Variants in HLA-DQB2 observed in about 807,000 individuals in gnomAD.
The protein encoded by HLA-DQB2 is HLA class II histocompatibility antigen, DQ beta 2 chain.
In HLA-DQB2, 24 loss-of-function variants were observed where a neutral mutation model predicts 29.2. The ratio of observed to expected loss-of-function variants is 0.82; its 90% confidence interval spans 0.60 to 1.16. HLA-DQB2 has a LOEUF of 1.16. Among genes scored for constraint, HLA-DQB2 ranks in the 50% most tolerant of loss-of-function variants. The probability of loss-of-function intolerance (pLI) is 0.00; values close to 1 mark genes in which losing one functional copy is unlikely to be tolerated. For synonymous variants in HLA-DQB2, 104 were observed against 133.1 expected, an observed-to-expected ratio of 0.78 and a Z score of 1.51; for missense variants, 273 against 343.6, an observed-to-expected ratio of 0.79 and a Z score of 1.62.
At chr6:32,757,211 G>C (rs773840220) in intron 5 of HLA-DQB2, 70 bp downstream of exon 5, 8 of 1,547,196 alleles carry the variant, frequency 5.2e-6, no homozygotes, top group Non-Finnish European at 1.7e-6. Flanking sequence ...GTAGAGATGC[G>C]GTTTCACCAT....
At position 32,756,217 on chromosome 6, in the gene HLA-DQB2, G is replaced by A; in HGVS notation, c.*236C>T. 1 of 541,914 alleles carries A rather than the reference G, an allele frequency of 1.8e-6. No homozygotes were observed. The highest frequency in any genetic ancestry group is 3.3e-6 in the Non-Finnish European group (1 of 304,234). The allele number at this position is 541,914 out of a possible 1,614,324, so 33.6% of individuals were successfully genotyped here. A position where few individuals can be genotyped will look rare whatever the true frequency, so the allele number is the denominator to read the frequency against. ...AATGGAAACAGAGATGCCCCTTGGG[G>A]CCTGAGTAGACACAGCTTGCAGTGC... On this transcript the variant is annotated 3_prime_UTR_variant, in exon 6 of 6. Coordinates refer to ENST00000437316, the MANE Select transcript of HLA-DQB2 (RefSeq NM_001300790.2).
At chr6:32,757,212 G>C (rs757479315) in intron 5 of HLA-DQB2, 69 bp downstream of exon 5, 30 of 1,548,156 alleles carry the variant, frequency 1.9e-5, no homozygotes, top group Non-Finnish European at 2.4e-5. Context: ...TAGAGATGCG[G>C]TTTCACCATG....
intron 2 of HLA-DQB2, 84 bp from the exon 3 acceptor site, chr6:32,759,215 T>A: frequency 6.6e-7 from 1 of 1,510,628 alleles, no homozygotes; most frequent in Non-Finnish European, 8.9e-7. Context: ...GGTCCCTCCT[T>A]GGAACCAGAA....
chr6:32,763,156 C>T (rs1303117386), intron 1 of HLA-DQB2, among the ~76,000 whole-genome samples: 1 of 151,614 alleles, frequency 6.6e-6, no homozygotes, highest in Non-Finnish European at 1.5e-5. Flanking sequence ...CTCTCTCCTC[C>T]TTCAGGCTTA....
In HLA-DQB2 at chr6:32,757,266, T is replaced by C. The variant is rs1447437538; in HGVS notation, c.781+15A>G. 1.9e-6 allele frequency: 3 copies of C among 1,550,476 alleles called. No homozygotes were observed. Among genetic ancestry groups the C allele is most frequent in the Non-Finnish European group, 2.6e-6 (3 of 1,146,906 alleles). Reference sequence around the variant, plus strand: ...TGTGCCCTCTCCCCTGACTGGATCATGGCTGAAATATTACCTGCTGGTGGA... The same window carrying C: ...TGTGCCCTCTCCCCTGACTGGATCACGGCTGAAATATTACCTGCTGGTGGA... On this transcript the variant is annotated intron_variant, in intron 5 of 5. Coordinates refer to ENST00000437316, the MANE Select transcript of HLA-DQB2 (RefSeq NM_001300790.2).
intron 1 of HLA-DQB2, 109 bp from the exon 2 acceptor site, chr6:32,762,035 AC>A: frequency 7.0e-7 from 1 of 1,424,152 alleles, no homozygotes; most frequent in Non-Finnish European, 9.5e-7. Context: ...CAGCTGCGAA[AC>A]CCGTCCACGC....
At chr6:32,760,584 G>A (rs879008080) in intron 2 of HLA-DQB2, among the ~76,000 whole-genome samples, 3 of 151,756 alleles carry the variant, frequency 2.0e-5, no homozygotes, top group Admixed American at 6.6e-5. Flanking sequence ...TAAAATTGAC[G>A]TTCAGAATGT....
rs751926608 is a variant in HLA-DQB2, at chr6:32,761,677, G to T, written c.347C>A (p.Thr116Lys). ...ACGCTCACCTTGCCGCTGCAAGGTC[G>T]TGCGCAGCTCCGCCTCGTAGTTGTG... ...CRHNYEAELRTTLQRQVEPTV... is the reference protein window; with the variant it reads ...CRHNYEAELRKTLQRQVEPTV... The change falls in exon 2 of 6, where the codon ACG (threonine) becomes AAG (lysine). Residue 116 changes from threonine (T) to lysine (K), a missense_variant. Coordinates refer to ENST00000437316, the MANE Select transcript of HLA-DQB2 (RefSeq NM_001300790.2). 1.9e-6 allele frequency: 3 copies of T among 1,550,002 alleles called. No homozygotes were observed. The highest frequency in any genetic ancestry group is 1.7e-6 in the Non-Finnish European group (2 of 1,147,362).
chr6:32,761,946 G>A lies in HLA-DQB2; in HGVS notation c.98-20C>T, dbSNP rs73402898. On this transcript the variant is annotated intron_variant, in intron 1 of 5. Coordinates refer to ENST00000437316, the MANE Select transcript of HLA-DQB2 (RefSeq NM_001300790.2). ...AATCCTCTGCGGAGAATCACGGCGGGTCAGTCAGGCCCCAGCACGGCCCTA... is the reference window on the plus strand; with the variant it reads ...AATCCTCTGCGGAGAATCACGGCGGATCAGTCAGGCCCCAGCACGGCCCTA... 903 of 1,582,630 alleles carry A rather than the reference G, an allele frequency of 5.7e-4. 4 individuals carry two copies. In the African/African-American group the frequency reaches 0.01, roughly 18 times the overall value.
chr6:32,757,024 T>TC, intron 5 of HLA-DQB2: 2 of 1,268,038 alleles, frequency 1.6e-6, no homozygotes, highest in Middle Eastern at 2.9e-4. Context: ...CTCATGCTCT[T>TC]CTTTTTTTTT....
At chr6:32,759,727 C>T (rs960648260) in intron 2 of HLA-DQB2, among the ~76,000 whole-genome samples, 1 of 152,172 alleles carries the variant, frequency 6.6e-6, no homozygotes, top group South Asian at 2.1e-4. Flanking sequence ...CATCCCCTTG[C>T]TATTGAGAAT....
intron 5 of HLA-DQB2, chr6:32,756,968 A>G: frequency 8.0e-7 from 1 of 1,244,888 alleles, no homozygotes; most frequent in South Asian, 2.5e-5. Flanking sequence ...CCCTCATAGC[A>G]GCAAACAGGC....
rs772529058 is a variant in HLA-DQB2 at position 32,759,036 on chromosome 6, T to C, written c.460A>G (p.Ile154Val). 6.2e-7 allele frequency: 1 copy of C among 1,614,226 alleles called. No homozygotes were observed. The highest frequency in any genetic ancestry group is 1.1e-5 in the South Asian group (1 of 91,092). The stretch of plus-strand genomic sequence containing the variant: ...TCATTCCGAAACCACCGGACTTTGA[T>C]CTGGGCTGGATAGAAATCTGTCACC... Reference protein sequence around the residue: ...CSVTDFYPAQIKVRWFRNDQE... With the variant: ...CSVTDFYPAQVKVRWFRNDQE... The change falls in exon 3 of 6, where the codon ATC becomes GTC. Residue 154 changes from isoleucine (I) to valine (V), a missense_variant. Coordinates refer to ENST00000437316, the MANE Select transcript of HLA-DQB2 (RefSeq NM_001300790.2).
Position 32,758,977 on chromosome 6 carries a change from G to A in HLA-DQB2, c.519C>T (p.Ser173=). ...QEETAGVVST[S]LIRNGDWTFQ... is the part of the protein sequence containing the mutation. The stretch of plus-strand genomic sequence containing the variant: ...AGGTCCAGTCACCATTCCTAATGAG[G>A]GAGGTGGACACAACACCGGCTGTCT... Residue 173 remains serine, a synonymous_variant, in exon 3 of 6, where the codon TCC becomes TCT. Transcript: ENST00000437316. 6.2e-7 allele frequency: 1 copy of A among 1,614,232 alleles called. No individual in the cohort carries two copies.
intron 1 of HLA-DQB2, 126 bp downstream of exon 1, chr6:32,763,248 A>C (rs527242369): frequency 1.6e-6 from 1 of 626,204 alleles, no homozygotes; most frequent in East Asian, 2.8e-5. Flanking sequence ...TCTATTTCCC[A>C]AAAAGAATAA....
At position 32,757,012 on chromosome 6, in the gene HLA-DQB2, C is replaced by T. The variant is rs138249493; in HGVS notation, c.781+269G>A. The T allele has an allele frequency of 6.8e-6, 9 of 1,319,498 alleles. No individual in the cohort carries two copies. In the East Asian group the frequency reaches 9.3e-5, roughly 14 times the overall value. The allele number at this position is 1,319,498 out of a possible 1,614,324, so 81.7% of individuals were successfully genotyped here. ...GAGACCACTGTGCCCTGGAACACTCCGCTCATGCTCTTCTTTTTTTTTTTT... is the reference window on the plus strand; with the variant it reads ...GAGACCACTGTGCCCTGGAACACTCTGCTCATGCTCTTCTTTTTTTTTTTT... On this transcript the variant is annotated intron_variant, in intron 5 of 5. Coordinates refer to ENST00000437316, the MANE Select transcript of HLA-DQB2 (RefSeq NM_001300790.2).
chr6:32,758,024 C>G (rs1239155721), intron 3 of HLA-DQB2, 141 bp from the exon 4 acceptor site: 1 of 650,594 alleles, frequency 1.5e-6, no homozygotes, highest in Non-Finnish European at 2.5e-6. Context: ...GGTCTTTGGA[C>G]ACAATAGGTG....
At chr6:32,759,277 T>C in intron 2 of HLA-DQB2, 146 bp from the exon 3 acceptor site, 1 of 997,284 alleles carries the variant, frequency 1.0e-6, no homozygotes, top group Non-Finnish European at 1.4e-6. Context: ...TCAACAAATA[T>C]AAATTTGACA....
chr6:32,762,006 G>T (rs943226465), intron 1 of HLA-DQB2, 80 bp from the exon 2 acceptor site: 7 of 1,532,484 alleles, frequency 4.6e-6, no homozygotes, highest in Non-Finnish European at 6.2e-6. Flanking sequence ...CCCTTCAGCC[G>T]CTGCCCTGAC....
Sources: allele counts gnomAD v4.1 joint callset (sites outside exome capture counted in the v4.1 genomes callset), GRCh38; gene constraint gnomAD v4.1.1; transcripts MANE v1.5; gene names NCBI Gene and HGNC (gene_info 2026-07-23, HGNC 2026-07-21).